The following WRAP73 variants were observed in gnomAD, a reference collection of about 807,000 sequenced individuals.
WRAP73 encodes WD repeat containing, antisense to TP73.
A neutral mutation model predicts 59.6 loss-of-function variants in WRAP73; 55 were observed. The observed-to-expected ratio is 0.92, with a 90% CI of 0.74 to 1.15. The LOEUF (loss-of-function observed/expected upper bound fraction) is 1.15. WRAP73 is among the 50% of genes most tolerant of loss of function. The probability of loss-of-function intolerance (pLI) is 0.00; values close to 1 mark genes in which losing one functional copy is unlikely to be tolerated. For missense variants in WRAP73, 592 were observed against 608.1 expected, an observed-to-expected ratio of 0.97 and a Z score of 0.28; for synonymous variants, 265 against 258.2, an observed-to-expected ratio of 1.03 and a Z score of -0.25.
chr1:3,640,521 C>T (rs1356076798), intron 3 of WRAP73, among the ~76,000 whole-genome samples: 2 of 23,466 alleles, frequency 8.5e-5, no homozygotes, highest in Admixed American at 3.1e-4. Context: ...CGGGGTGCAG[C>T]GCCCGAGGCT....
intron 11 of WRAP73, 152 bp downstream of exon 11, chr1:3,631,314 T>C: frequency 7.7e-7 from 1 of 1,295,116 alleles, no homozygotes; most frequent in Admixed American, 2.4e-5. Flanking sequence ...GGGTCCCCTG[T>C]GTGTCCGTCT....
chr1:3,636,895 A>G (rs1316908747), intron 5 of WRAP73, 100 bp downstream of exon 5: 1 of 1,238,104 alleles, frequency 8.1e-7, no homozygotes, highest in Non-Finnish European at 1.2e-6. Context: ...ACCTTGCTCC[A>G]TATCCTACCA....
chr1:3,640,500 CATCA>C, intron 3 of WRAP73, among the ~76,000 whole-genome samples: 1 of 26,482 alleles, frequency 3.8e-5, no homozygotes, highest in African/African-American at 1.2e-4. Flanking sequence ...AGGCTCTGAG[CATCA>C]GCAGGGCGGG....
chr1:3,635,166 A>G lies in WRAP73; in HGVS notation c.732T>C (p.Asp244=). The stretch of plus-strand genomic sequence containing the variant: ...GCCCTGCACTGGTTCCCACCTTTCC[A>G]TCATAGCTCCCAACTGCCAGGAACT... ...SSQFLAVGSY[D]GKVRILNHVT... is the part of the protein sequence containing the mutation. Residue 244 remains aspartate, a synonymous_variant, in exon 7 of 12, where the codon GAT becomes GAC. Coordinates refer to ENST00000270708, the MANE Select transcript of WRAP73 (RefSeq NM_017818.4). 1 of 1,614,082 alleles carries G rather than the reference A, an allele frequency of 6.2e-7. No homozygotes were observed. Among genetic ancestry groups the G allele is most frequent in the South Asian group, 1.1e-5 (1 of 91,080 alleles).
At chr1:3,643,216 A>G (rs1192913309) in intron 3 of WRAP73, among the ~76,000 whole-genome samples, 1 of 152,246 alleles carries the variant, frequency 6.6e-6, no homozygotes, top group Non-Finnish European at 1.5e-5. Context: ...AGAGACTGCA[A>G]AGTACAAGCC....
intron 3 of WRAP73, among the ~76,000 whole-genome samples, chr1:3,642,296 A>C (rs931026887): frequency 1.3e-5 from 2 of 152,234 alleles, no homozygotes; most frequent in Non-Finnish European, 2.9e-5. Flanking sequence ...TCAGATATTC[A>C]AACACACCAT....
intron 1 of WRAP73, 108 bp from the exon 2 acceptor site, chr1:3,647,668 A>G: frequency 7.9e-7 from 1 of 1,271,152 alleles, no homozygotes; most frequent in South Asian, 1.5e-5. Context: ...CTCTCCTGCC[A>G]GAGGTTTCAT....
At chr1:3,649,288 G>A (rs771289773) in intron 1 of WRAP73, among the ~76,000 whole-genome samples, 3 of 152,128 alleles carry the variant, frequency 2.0e-5, no homozygotes, top group Non-Finnish European at 4.4e-5. Flanking sequence ...CCAGCCATGA[G>A]GACAACTACT....
intron 10 of WRAP73, 69 bp downstream of exon 10, chr1:3,632,144 G>A: frequency 6.5e-7 from 1 of 1,528,104 alleles, no homozygotes; most frequent in Non-Finnish European, 8.8e-7. Context: ...TTCTTTTCCA[G>A]TCGCTTCTAC....
chr1:3,640,516 TGCAGCGCCCGAGGCTCTGAGCATCAGC>T, intron 3 of WRAP73, among the ~76,000 whole-genome samples: 1 of 21,762 alleles, frequency 4.6e-5, no homozygotes. Context: ...CAGGGCGGGG[TGCAGCGCCCGAGGCTCTGAGCATCAGC>T]AGGGCGGGGT....
chr1:3,649,872 C>T, intron 1 of WRAP73, 59 bp downstream of exon 1: 2 of 1,535,964 alleles, frequency 1.3e-6, no homozygotes, highest in Non-Finnish European at 1.8e-6. Context: ...CCGGCCCTGC[C>T]CGCCGGGGAC....
At chr1:3,632,421 G>A (rs910987209) in intron 9 of WRAP73, 83 bp from the exon 10 acceptor site, 13 of 1,603,278 alleles carry the variant, frequency 8.1e-6, no homozygotes, top group Middle Eastern at 1.8e-4. Flanking sequence ...TGCCTGCATC[G>A]GGCATCGCGA....
intron 8 of WRAP73, chr1:3,634,406 A>G: frequency 6.1e-6 from 1 of 164,800 alleles, no homozygotes; most frequent in South Asian, 1.5e-4. Context: ...CCCGCTGCAC[A>G]CATGGATGCG....
rs747661311 is a variant in WRAP73, at chr1:3,650,045, G to C, written c.-46C>G. 1 of 1,534,718 alleles carries C rather than the reference G, an allele frequency of 6.5e-7. No homozygotes were observed. The highest frequency in any genetic ancestry group is 2.0e-5 in the Admixed American group (1 of 49,264). On this transcript the variant is annotated 5_prime_UTR_variant, in exon 1 of 12. Transcript: ENST00000270708. Reference sequence around the variant, plus strand: ...GCCACCCTGCGCCCGAAAACCCGCGGGACCCCTGGGCGCGCAGCAGGCTGC... The same window carrying C: ...GCCACCCTGCGCCCGAAAACCCGCGCGACCCCTGGGCGCGCAGCAGGCTGC...
Position 3,646,861 on chromosome 1 carries a change from C to T in WRAP73, c.223-79G>A, listed in dbSNP as rs1644696901. On this transcript the variant is annotated intron_variant, in intron 2 of 11. Transcript: ENST00000270708. This position sits in a 1 kb window ranked among gnomAD's most constrained non-coding sequence, Gnocchi z 5.1. ...ACAGCGAGGACAGCTCGCTTAAACG[C>T]AGCGGAGACCCGACCGCACAGGGTG... The T allele has an allele frequency of 7.9e-7, 1 of 1,268,272 alleles. No homozygotes were observed. Among genetic ancestry groups the T allele is most frequent in the Non-Finnish European group, 1.1e-6 (1 of 887,336 alleles). 78.6% of individuals were successfully genotyped at this position (1,268,272 alleles called of 1,614,324 possible). A position where few individuals can be genotyped will look rare whatever the true frequency, so the allele number is the denominator to read the frequency against.
chr1:3,647,283 C>T, intron 2 of WRAP73, 125 bp downstream of exon 2: 1 of 1,058,014 alleles, frequency 9.5e-7, no homozygotes, highest in South Asian at 2.0e-5. Context: ...GTTATAATTT[C>T]AAAAGAAAAC....
intron 4 of WRAP73, among the ~76,000 whole-genome samples, chr1:3,638,371 AG>A (rs1010918068): frequency 1.3e-4 from 20 of 151,950 alleles, no homozygotes; most frequent in Admixed American, 5.2e-4. Flanking sequence ...TTTAGTCCAC[AG>A]AAGAGAGAAA....
rs1016355854 is a variant in WRAP73, at chr1:3,639,834, G to A, written c.340-1012C>T. On this transcript the variant is annotated intron_variant, in intron 3 of 11. Transcript: ENST00000270708. The surrounding 1 kb of genome is among the most constrained non-coding windows in gnomAD (Gnocchi z 4.3). ...ATGCGGGGTGGGGTGCTGACTGCCA[G>A]CTCCGTGTGTGTCAGGCAGGGGTCC... Among the ~76,000 whole-genome samples, 1 of 151,958 alleles carries A rather than the reference G, an allele frequency of 6.6e-6. No individual in the cohort carries two copies. Among genetic ancestry groups the A allele is most frequent in the African/African-American group, 2.4e-5 (1 of 41,370 alleles).
chr1:3,631,893 T>C (rs1417579516), intron 10 of WRAP73: 2 of 1,397,354 alleles, frequency 1.4e-6, no homozygotes, highest in Non-Finnish European at 1.8e-6. Context: ...GTATTTTTTT[T>C]TTTTTTTTAG....
Sources: allele counts gnomAD v4.1 joint callset (sites outside exome capture counted in the v4.1 genomes callset), GRCh38; gene constraint gnomAD v4.1.1; non-coding constraint Gnocchi (gnomAD v3.1); transcripts MANE v1.5; gene names NCBI Gene and HGNC (gene_info 2026-07-23, HGNC 2026-07-21).